Variants in TCF4 observed in about 807,000 individuals in gnomAD.
TCF4 encodes SL3-3 enhancer factor 2.
Under a neutral mutation model 82.1 loss-of-function variants are expected in TCF4, and 3 were observed. The ratio of observed to expected loss-of-function variants is 0.04; its 90% CI spans 0.02 to 0.09. TCF4 has a LOEUF of 0.09. TCF4 is among the 10% of genes least tolerant of loss of function. The pLI is 1.00. For synonymous variants in TCF4, 276 were observed against 309.6 expected (o/e 0.89, Z 1.14); for missense variants, 518 against 852.7 (o/e 0.61, Z 4.89).
At chr18:55,370,466 T>C (rs1346540086) in intron 6 of TCF4, among the ~76,000 whole-genome samples, 1 of 150,936 alleles carries the variant, frequency 6.6e-6, no homozygotes, top group Admixed American at 6.6e-5. Flanking sequence ...GATAGATAGA[T>C]AGATAGATAG....
intron 3 of TCF4, among the ~76,000 whole-genome samples, chr18:55,578,417 T>C (rs908144133): frequency 1.3e-5 from 2 of 152,084 alleles, no homozygotes; most frequent in African/African-American, 4.8e-5. Context: ...AAAAGACTTT[T>C]AACCCTCCCG....
chr18:55,398,388 C>T lies in TCF4; in HGVS notation c.369+5066G>A, dbSNP rs1011076119. Among the ~76,000 whole-genome samples the T allele has an allele frequency of 2.0e-5, 3 of 152,122 alleles. No individual in the cohort carries two copies. The East Asian group carries it at 5.8e-4, about 29-fold the overall frequency. ...CACTGCTACATTTCAATGTTCGGAC[C>T]AGGATGCTGACCTTTGGTTCCAACA... On this transcript the variant is annotated intron_variant, in intron 6 of 19. Transcript: ENST00000354452.
intron 8 of TCF4, among the ~76,000 whole-genome samples, chr18:55,328,291 G>C (rs1272904279): frequency 6.6e-6 from 1 of 151,700 alleles, no homozygotes; most frequent in Non-Finnish European, 1.5e-5. Context: ...GACTAGATGT[G>C]ATTTTTATTT....
intron 5 of TCF4, among the ~76,000 whole-genome samples, chr18:55,452,374 T>C (rs2095641581): frequency 6.6e-6 from 1 of 152,238 alleles, no homozygotes; most frequent in South Asian, 2.1e-4. Context: ...GTAGGCATTC[T>C]TGTCTGACTG....
intron 2 of TCF4, among the ~76,000 whole-genome samples, chr18:55,616,218 G>C (rs1193417838): frequency 6.6e-6 from 1 of 152,048 alleles, no homozygotes; most frequent in Non-Finnish European, 1.5e-5. Flanking sequence ...TATAAGTTGA[G>C]TTATGAAGTA....
At chr18:55,378,475 A>G (rs892746945) in intron 6 of TCF4, among the ~76,000 whole-genome samples, 30 of 152,194 alleles carry the variant, frequency 2.0e-4, no homozygotes, top group Admixed American at 1.9e-3. Context: ...AAATTATTCA[A>G]TCCTTACAAA....
At chr18:55,569,011 A>G (rs2097434735) in intron 3 of TCF4, among the ~76,000 whole-genome samples, 1 of 152,210 alleles carries the variant, frequency 6.6e-6, no homozygotes. Context: ...AATTTTATGT[A>G]GAAAAAGTAT....
intron 3 of TCF4, among the ~76,000 whole-genome samples, chr18:55,554,741 G>T (rs2097289710): frequency 6.6e-6 from 1 of 152,086 alleles, no homozygotes; most frequent in Admixed American, 6.5e-5. Context: ...GCATCACCTG[G>T]AATTTAAACA....
chr18:55,307,700 C>T (rs969329824), intron 8 of TCF4, among the ~76,000 whole-genome samples: 1 of 152,160 alleles, frequency 6.6e-6, no homozygotes, highest in African/African-American at 2.4e-5. Flanking sequence ...AAACGTGGCA[C>T]AAGCTGAAAG....
chr18:55,560,285 A>AT (rs947131170), intron 3 of TCF4, among the ~76,000 whole-genome samples: 2 of 152,200 alleles, frequency 1.3e-5, no homozygotes, highest in Non-Finnish European at 2.9e-5. Context: ...GAATTCAAGT[A>AT]TTTGTGAGCA....
At chr18:55,284,128 A>T (rs928720651) in intron 8 of TCF4, among the ~76,000 whole-genome samples, 4 of 152,166 alleles carry the variant, frequency 2.6e-5, no homozygotes, top group Non-Finnish European at 1.5e-5. Context: ...AAAATAAAAT[A>T]TCGGCCAGGA....
At chr18:55,258,871 G>T (rs1035878792) in intron 13 of TCF4, among the ~76,000 whole-genome samples, 1 of 152,044 alleles carries the variant, frequency 6.6e-6, no homozygotes, top group African/African-American at 2.4e-5. Context: ...TCCACCAGGG[G>T]GAACGTTTGA....
At position 55,422,403 on chromosome 18, in the gene TCF4, G is replaced by A. The variant is rs184637284; in HGVS notation, c.305-18885C>T. ...AAGGGAAAAGGAAAGAAGGGAAAAG[G>A]TGGAGGGTTTGGGGGGTTTTTTTTA... On this transcript the variant is annotated intron_variant, in intron 5 of 19. Coordinates refer to ENST00000354452, the MANE Select transcript of TCF4 (RefSeq NM_001083962.2). The A allele has an allele frequency of 4.9e-4, 478 of 985,004 alleles. 1 individual carries two copies. Among genetic ancestry groups the A allele is most frequent in the Admixed American group, 5.5e-4 (9 of 16,258 alleles). The allele number at this position is 985,004 out of a possible 1,614,324, so 61.0% of individuals were successfully genotyped here.
intron 11 of TCF4, chr18:55,268,578 G>C (rs1339902927): frequency 1.3e-5 from 2 of 152,110 alleles, no homozygotes; most frequent in African/African-American, 4.8e-5. Flanking sequence ...GCGGAGTGGA[G>C]AGGCTGCGAG....
intron 15 of TCF4, among the ~76,000 whole-genome samples, chr18:55,253,684 T>G (rs1237734150): frequency 6.6e-6 from 1 of 152,166 alleles, no homozygotes; most frequent in Admixed American, 6.6e-5. Flanking sequence ...TCTATTAAAT[T>G]ACACAGTCAC....
intron 2 of TCF4, among the ~76,000 whole-genome samples, chr18:55,605,698 A>G (rs980376611): frequency 2.0e-5 from 3 of 152,224 alleles, no homozygotes; most frequent in African/African-American, 7.2e-5. Flanking sequence ...ACACTTACAT[A>G]AAGATGCGGC....
chr18:55,401,364 C>A lies in TCF4; in HGVS notation c.369+2090G>T, dbSNP rs920336234. On this transcript the variant is annotated intron_variant, in intron 6 of 19. Coordinates refer to ENST00000354452, the MANE Select transcript of TCF4 (RefSeq NM_001083962.2). ...TAGTAGACTCTTGCAAGACTCACAACCATGAAGCACAAATTAAGAATGAAG... is the reference window on the plus strand; with the variant it reads ...TAGTAGACTCTTGCAAGACTCACAAACATGAAGCACAAATTAAGAATGAAG... The A allele has an allele frequency of 5.4e-6, 6 of 1,115,116 alleles. No homozygotes were observed. In the African/African-American group the frequency reaches 6.6e-5, roughly 12 times the overall value. The allele number at this position is 1,115,116 out of a possible 1,614,324, so 69.1% of individuals were successfully genotyped here.
At chr18:55,611,127 G>A (rs935105679) in intron 2 of TCF4, among the ~76,000 whole-genome samples, 1 of 152,114 alleles carries the variant, frequency 6.6e-6, no homozygotes, top group Non-Finnish European at 1.5e-5. Context: ...CAAAAGCTGC[G>A]GCTGCTGCTC....
chr18:55,404,692 G>A (rs896671403), intron 5 of TCF4, among the ~76,000 whole-genome samples: 3 of 152,066 alleles, frequency 2.0e-5, no homozygotes, highest in African/African-American at 7.2e-5. Flanking sequence ...AATGGCAATG[G>A]CAATGTTATT....
Sources: gnomAD v4.1 joint callset for allele counts (sites outside exome capture counted in the v4.1 genomes callset) on GRCh38, gnomAD v4.1.1 for gene constraint, MANE v1.5 for transcripts, NCBI Gene and HGNC (gene_info 2026-07-23, HGNC 2026-07-21) for gene names.